Variants in UBE3D observed in about 807,000 individuals in gnomAD.
The protein encoded by UBE3D is ubiquitin protein ligase E3D, also known as E3 ubiquitin-protein ligase E3D.
In UBE3D, 48 loss-of-function variants were observed where a neutral mutation model predicts 49.6. The ratio of observed to expected loss-of-function variants is 0.97; its 90% CI spans 0.77 to 1.23. UBE3D has a LOEUF of 1.23. Ranked by LOEUF, UBE3D falls within the 50% of genes most tolerant of loss-of-function variation. The pLI, the probability that UBE3D is intolerant of heterozygous loss-of-function variation, is 0.00. For missense variants in UBE3D, 452 were observed against 468.4 expected (o/e 0.96, Z 0.32); for synonymous variants, 189 against 174.2 (o/e 1.08, Z -0.67).
chr6:83,054,295 A>T, intron 2 of UBE3D, 57 bp from the exon 3 acceptor site: 1 of 1,333,810 alleles, frequency 7.5e-7, no homozygotes, highest in Non-Finnish European at 1.1e-6. Flanking sequence ...ATATTAACAT[A>T]CTTAAACAGT....
intron 8 of UBE3D, among the ~76,000 whole-genome samples, chr6:82,976,803 G>A (rs191171938): frequency 1.3e-5 from 2 of 152,050 alleles, no homozygotes; most frequent in African/African-American, 4.8e-5. Flanking sequence ...ACTTACACTA[G>A]TACTACTGAG....
At chr6:82,904,190 T>C (rs1771935778) in intron 9 of UBE3D, among the ~76,000 whole-genome samples, 1 of 152,174 alleles carries the variant, frequency 6.6e-6, no homozygotes, top group African/African-American at 2.4e-5. Flanking sequence ...ACTGTGACTT[T>C]AAGTGAAATG....
At chr6:82,961,066 C>T (rs2127779474) in intron 8 of UBE3D, among the ~76,000 whole-genome samples, 1 of 152,272 alleles carries the variant, frequency 6.6e-6, no homozygotes, top group East Asian at 1.9e-4. Context: ...GCCCATGATG[C>T]TTTGGACCTT....
chr6:83,063,716 A>T (rs1465304358), intron 1 of UBE3D, among the ~76,000 whole-genome samples: 1 of 152,202 alleles, frequency 6.6e-6, no homozygotes, highest in African/African-American at 2.4e-5. Context: ...GGTTCAAACT[A>T]AAAGGACTGA....
At chr6:82,988,639 T>C (rs1321986846) in intron 8 of UBE3D, among the ~76,000 whole-genome samples, 1 of 152,180 alleles carries the variant, frequency 6.6e-6, no homozygotes, top group African/African-American at 2.4e-5. Context: ...ATGTGGGCTG[T>C]CACAGCAGAA....
At chr6:82,893,114 C>T in intron 9 of UBE3D, 72 bp from the exon 10 acceptor site, 1 of 1,566,334 alleles carries the variant, frequency 6.4e-7, no homozygotes, top group South Asian at 1.1e-5. Flanking sequence ...TACATCAAAT[C>T]AGAATCAGGT....
At chr6:83,016,688 T>G (rs1056581138) in intron 8 of UBE3D, among the ~76,000 whole-genome samples, 1 of 151,270 alleles carries the variant, frequency 6.6e-6, no homozygotes, top group East Asian at 1.9e-4. Flanking sequence ...TATATAAATA[T>G]ATAAATCTTC....
At chr6:82,954,358 CA>C (rs1776013350) in intron 9 of UBE3D, among the ~76,000 whole-genome samples, 1 of 152,064 alleles carries the variant, frequency 6.6e-6, no homozygotes, top group Non-Finnish European at 1.5e-5. Context: ...ATATTTATAA[CA>C]AAACCACCAA....
At chr6:83,033,566 C>T (rs1259596256) in intron 5 of UBE3D, among the ~76,000 whole-genome samples, 1 of 152,086 alleles carries the variant, frequency 6.6e-6, no homozygotes, top group African/African-American at 2.4e-5. Flanking sequence ...TGACTTCTTA[C>T]AAGATCCACT....
At chr6:83,015,639 T>C (rs992788591) in intron 8 of UBE3D, among the ~76,000 whole-genome samples, 1 of 152,180 alleles carries the variant, frequency 6.6e-6, no homozygotes. Context: ...CACCTCCTCA[T>C]AGGTCACACT....
intron 1 of UBE3D, among the ~76,000 whole-genome samples, chr6:83,062,155 T>C (rs948577741): frequency 6.6e-6 from 1 of 152,238 alleles, no homozygotes; most frequent in Non-Finnish European, 1.5e-5. Context: ...CAGGTGTTTT[T>C]GTCTTTGCTG....
intron 9 of UBE3D, among the ~76,000 whole-genome samples, chr6:82,924,367 T>C (rs781544811): frequency 6.6e-6 from 1 of 152,176 alleles, no homozygotes; most frequent in Non-Finnish European, 1.5e-5. Context: ...AGAGTTTTGA[T>C]TTAGGAAATG....
chr6:82,957,602 C>T, intron 8 of UBE3D, 152 bp from the exon 9 acceptor site: 2 of 1,029,024 alleles, frequency 1.9e-6, no homozygotes, highest in Non-Finnish European at 2.7e-6. Context: ...AGAACATGTC[C>T]AAGACGTTTT....
intron 9 of UBE3D, among the ~76,000 whole-genome samples, chr6:82,951,476 A>G (rs1251116555): frequency 1.3e-5 from 2 of 152,150 alleles, no homozygotes; most frequent in African/African-American, 4.8e-5. Flanking sequence ...AGGCTATGAA[A>G]CACTCCTTCC....
At chr6:82,995,746 G>A (rs1037018506) in intron 8 of UBE3D, among the ~76,000 whole-genome samples, 1 of 152,122 alleles carries the variant, frequency 6.6e-6, no homozygotes, top group African/African-American at 2.4e-5. Context: ...GCCCATAGGA[G>A]AGAATTGGAC....
intron 5 of UBE3D, among the ~76,000 whole-genome samples, chr6:83,030,953 A>G (rs1183153452): frequency 2.6e-5 from 4 of 152,140 alleles, no homozygotes; most frequent in African/African-American, 9.7e-5. Flanking sequence ...CCTGCCCTAG[A>G]TATCTGTGGA....
At chr6:82,936,276 A>G (rs1039579596) in intron 9 of UBE3D, among the ~76,000 whole-genome samples, 4 of 152,228 alleles carry the variant, frequency 2.6e-5, no homozygotes, top group African/African-American at 9.6e-5. Context: ...AAAAATACCA[A>G]GAACAAAGCC....
chr6:83,059,260 G>A (rs189083607), intron 1 of UBE3D, among the ~76,000 whole-genome samples: 4 of 152,128 alleles, frequency 2.6e-5, no homozygotes, highest in Admixed American at 2.0e-4. Flanking sequence ...ATAGTGGCAC[G>A]CACCTGTAGT....
chr6:82,894,804 G>C (rs1307369765), intron 9 of UBE3D, among the ~76,000 whole-genome samples: 1 of 152,126 alleles, frequency 6.6e-6, no homozygotes, highest in East Asian at 1.9e-4. Context: ...AGCATCCCTG[G>C]CAGGCGACAT....
Sources: gnomAD v4.1 joint callset for allele counts (sites outside exome capture counted in the v4.1 genomes callset) on GRCh38, gnomAD v4.1.1 for gene constraint, MANE v1.5 for transcripts, NCBI Gene and HGNC (gene_info 2026-07-23, HGNC 2026-07-21) for gene names.